Variants in MAPRE2 observed in about 807,000 individuals in gnomAD.
MAPRE2 encodes microtubule-associated protein RP/EB family member 2.
A neutral mutation model predicts 43.2 loss-of-function variants in MAPRE2; 13 were observed. The ratio of observed to expected loss-of-function variants is 0.30; its 90% CI spans 0.20 to 0.48. The LOEUF is 0.48. Among genes scored for constraint, MAPRE2 ranks in the 20% least tolerant of loss-of-function variants. The pLI is 0.99. For missense variants in MAPRE2, 161 were observed against 400.2 expected (o/e 0.40, Z 5.10); for synonymous variants, 135 against 148.8 (o/e 0.91, Z 0.68).
At chr18:35,065,699 G>T (rs1470808176) in intron 1 of MAPRE2, among the ~76,000 whole-genome samples, 1 of 151,962 alleles carries the variant, frequency 6.6e-6, no homozygotes, top group Non-Finnish European at 1.5e-5. Flanking sequence ...GACTACAGGC[G>T]CATGCCACCA....
At chr18:35,041,180 G>A (rs1905334055), upstream of MAPRE2, among the ~76,000 whole-genome samples, 1 of 152,236 alleles carries the variant, frequency 6.6e-6, no homozygotes, top group African/African-American at 2.4e-5. Flanking sequence ...GTCTGCGAGG[G>A]GGGCTGCAGG....
At chr18:35,109,314 A>G (rs560938232) in intron 4 of MAPRE2, among the ~76,000 whole-genome samples, 10 of 152,214 alleles carry the variant, frequency 6.6e-5, no homozygotes, top group Admixed American at 2.6e-4. Context: ...CCATTGGTCT[A>G]TATATCTGTT....
At chr18:34,985,359 A>ATAAT (rs2097019643) in intron 1 of MAPRE2, among the ~76,000 whole-genome samples, 1 of 39,652 alleles carries the variant, frequency 2.5e-5, no homozygotes, top group South Asian at 7.6e-4. Flanking sequence ...TTATATATAT[A>ATAAT]ATATAATATA....
At chr18:35,121,261 C>T (rs765789976) in intron 4 of MAPRE2, among the ~76,000 whole-genome samples, 1 of 152,172 alleles carries the variant, frequency 6.6e-6, no homozygotes, top group South Asian at 2.1e-4. Flanking sequence ...ACATTAGACA[C>T]GGTAATGCCC....
At chr18:35,013,212 T>C (rs879498674) in intron 2 of MAPRE2, among the ~76,000 whole-genome samples, 2 of 151,948 alleles carry the variant, frequency 1.3e-5, no homozygotes, top group Non-Finnish European at 2.9e-5. Flanking sequence ...AAAGGGCAGG[T>C]TTAGATAACC....
At chr18:35,039,975 G>A (rs781413962), upstream of MAPRE2, among the ~76,000 whole-genome samples, 6 of 152,162 alleles carry the variant, frequency 3.9e-5, no homozygotes, top group East Asian at 1.9e-4. Context: ...ACTTTGGGGC[G>A]GGTGGACTGC....
intron 2 of MAPRE2, among the ~76,000 whole-genome samples, chr18:35,071,345 C>T (rs1468554949): frequency 6.6e-6 from 1 of 152,022 alleles, no homozygotes; most frequent in Non-Finnish European, 1.5e-5. Context: ...TGTACCACTG[C>T]CCAACAGCCT....
At chr18:35,005,559 GT>G in intron 2 of MAPRE2, 1 of 1,523,572 alleles carries the variant, frequency 6.6e-7, no homozygotes, top group South Asian at 1.3e-5. Flanking sequence ...TCAAGGTAAG[GT>G]TTATATAAAT....
chr18:35,048,533 A>C (rs1430214841), intron 1 of MAPRE2, among the ~76,000 whole-genome samples: 1 of 150,410 alleles, frequency 6.6e-6, no homozygotes, highest in Non-Finnish European at 1.5e-5. Flanking sequence ...TAACACATAT[A>C]CTACATATAC....
chr18:35,035,108 A>G (rs2097049817), intron 2 of MAPRE2, among the ~76,000 whole-genome samples: 1 of 152,066 alleles, frequency 6.6e-6, no homozygotes, highest in Non-Finnish European at 1.5e-5. Flanking sequence ...ACTTGGAACC[A>G]ACCCAAATGT....
intron 1 of MAPRE2, among the ~76,000 whole-genome samples, chr18:34,985,348 A>ATTATATATTTTATATATTATT (rs2097019585): frequency 2.3e-5 from 1 of 42,810 alleles, no homozygotes; most frequent in Non-Finnish European, 3.7e-5. Context: ...AATATATTAT[A>ATTATATATTTTATATATTATT]TTATATATAT....
At chr18:35,064,692 T>C (rs1257690544) in intron 1 of MAPRE2, among the ~76,000 whole-genome samples, 2 of 152,162 alleles carry the variant, frequency 1.3e-5, no homozygotes, top group African/African-American at 4.8e-5. Flanking sequence ...CAGGTCTCAT[T>C]GACTCACATA....
chr18:35,093,193 C>G (rs972898713), intron 2 of MAPRE2, among the ~76,000 whole-genome samples: 1 of 103,826 alleles, frequency 9.6e-6, no homozygotes, highest in African/African-American at 3.9e-5. Flanking sequence ...GGTTAGGAGA[C>G]AGAGCAAGAC....
At chr18:35,074,674 G>A (rs1398019482) in intron 2 of MAPRE2, among the ~76,000 whole-genome samples, 3 of 152,136 alleles carry the variant, frequency 2.0e-5, no homozygotes, top group African/African-American at 2.4e-5. Flanking sequence ...CATTCTTGCT[G>A]CTTGGCAGAC....
At chr18:35,050,373 A>G (rs1905873671) in intron 1 of MAPRE2, among the ~76,000 whole-genome samples, 1 of 152,218 alleles carries the variant, frequency 6.6e-6, no homozygotes, top group Non-Finnish European at 1.5e-5. Context: ...CCATTCTTAC[A>G]TTAAACATCA....
Position 35,032,432 on chromosome 18 carries a change from A to G in MAPRE2, c.-8+26879A>G, listed in dbSNP as rs552682646. On this transcript the variant is annotated intron_variant, in intron 2 of 7. Coordinates refer to the MAPRE2 transcript ENST00000413393. ...CTAGGGAATTCATGTCTTCTCTGCT[A>G]TCATAGTTGAGAATTTCTCAAGTCC... is the stretch of plus-strand genomic sequence containing the variant. 2.6e-5 allele frequency among the ~76,000 whole-genome samples: 4 copies of G among 152,294 alleles called. No homozygotes were observed. The East Asian group carries it at 7.7e-4, about 29-fold the overall frequency.
At chr18:35,035,357 G>A (rs922480260) in intron 2 of MAPRE2, among the ~76,000 whole-genome samples, 1 of 149,746 alleles carries the variant, frequency 6.7e-6, no homozygotes, top group Non-Finnish European at 1.5e-5. Flanking sequence ...CTCTGGGGAC[G>A]GTTGTGGGGT....
chr18:34,995,870 C>T (rs1305680074), intron 1 of MAPRE2, among the ~76,000 whole-genome samples: 1 of 151,984 alleles, frequency 6.6e-6, no homozygotes, highest in African/African-American at 2.4e-5. Context: ...TGTGTGTGTG[C>T]CTTGCAACTC....
upstream of MAPRE2, among the ~76,000 whole-genome samples, chr18:35,037,690 G>C (rs1042963425): frequency 6.6e-6 from 1 of 152,064 alleles, no homozygotes; most frequent in Non-Finnish European, 1.5e-5. Context: ...GATGACCTGG[G>C]TAATTCTCCC....
Sources: gnomAD v4.1 joint callset for allele counts (sites outside exome capture counted in the v4.1 genomes callset) on GRCh38, gnomAD v4.1.1 for gene constraint, MANE v1.5 for transcripts, NCBI Gene and HGNC (gene_info 2026-07-23, HGNC 2026-07-21) for gene names.